Variants in SCD5 observed in about 807,000 individuals in gnomAD.
SCD5 encodes the protein stearoyl-CoA desaturase 5.
A neutral mutation model predicts 30.4 loss-of-function variants in SCD5; 20 were observed. The observed-to-expected ratio is 0.66, with a 90% CI of 0.46 to 0.96. The LOEUF (loss-of-function observed/expected upper bound fraction) is 0.96. Among genes scored for constraint, SCD5 ranks in the 40% least tolerant of loss-of-function variants. SCD5 has a pLI of 0.00. For missense variants in SCD5, 381 were observed against 443.3 expected (o/e 0.86, Z 1.26); for synonymous variants, 173 against 176.4 (o/e 0.98, Z 0.16).
rs183777201 is a variant in SCD5, at chr4:82,788,083, G to A, written c.232+10223C>T. On this transcript the variant is annotated intron_variant, in intron 1 of 4. Coordinates refer to ENST00000319540, the MANE Select transcript of SCD5 (RefSeq NM_001037582.3). ...ACTTTTTAAAAGGCTGGAGAGAGAA[G>A]AGACCCTTCACCCCTTTTGCCATGT... Among the ~76,000 whole-genome samples the A allele has an allele frequency of 7.0e-4, 107 of 152,320 alleles. 1 individual carries two copies. The highest frequency in any genetic ancestry group is 3.9e-3 in the South Asian group (19 of 4,828).
chr4:82,717,704 T>G (rs1363798747), intron 1 of SCD5, among the ~76,000 whole-genome samples: 1 of 151,624 alleles, frequency 6.6e-6, no homozygotes, highest in African/African-American at 2.4e-5. Context: ...TCACTTGAGG[T>G]CAGGAGTTCG....
chr4:82,774,425 GAA>G (rs1264521667), intron 1 of SCD5, among the ~76,000 whole-genome samples: 2 of 152,166 alleles, frequency 1.3e-5, no homozygotes, highest in African/African-American at 4.8e-5. Flanking sequence ...TGTGCATAGA[GAA>G]AAAAGGCTGA....
chr4:82,724,227 G>C (rs1018507677), intron 1 of SCD5, among the ~76,000 whole-genome samples: 1 of 152,152 alleles, frequency 6.6e-6, no homozygotes, highest in Admixed American at 6.5e-5. Flanking sequence ...AACAAATACC[G>C]AATTTCATCT....
At chr4:82,785,133 C>T (rs529072062) in intron 1 of SCD5, among the ~76,000 whole-genome samples, 2 of 152,202 alleles carry the variant, frequency 1.3e-5, no homozygotes, top group Non-Finnish European at 2.9e-5. Flanking sequence ...CCCATCCCCC[C>T]AGCTCCAGAT....
At chr4:82,742,666 A>C (rs1720901334) in intron 1 of SCD5, among the ~76,000 whole-genome samples, 1 of 152,168 alleles carries the variant, frequency 6.6e-6, no homozygotes, top group African/African-American at 2.4e-5. Flanking sequence ...TCATGCCTGT[A>C]ATCCCAGCTA....
At chr4:82,636,925 C>T in intron 3 of SCD5, 102 bp from the exon 4 acceptor site, 2 of 962,122 alleles carry the variant, frequency 2.1e-6, no homozygotes, top group Non-Finnish European at 1.5e-6. Context: ...AGGGAGAGAA[C>T]TGTGCCAGTC....
chr4:82,717,125 C>T (rs945686847), intron 1 of SCD5, among the ~76,000 whole-genome samples: 1 of 151,746 alleles, frequency 6.6e-6, no homozygotes, highest in Non-Finnish European at 1.5e-5. Flanking sequence ...TGAAGGATCA[C>T]TGTATAGGGT....
At chr4:82,796,088 G>A (rs1000419273) in intron 1 of SCD5, among the ~76,000 whole-genome samples, 5 of 151,816 alleles carry the variant, frequency 3.3e-5, no homozygotes, top group African/African-American at 1.2e-4. Context: ...GGCTAACACG[G>A]TGAAACCCCA....
chr4:82,704,991 G>A (rs570290749), intron 2 of SCD5, among the ~76,000 whole-genome samples: 1 of 152,366 alleles, frequency 6.6e-6, no homozygotes, highest in African/African-American at 2.4e-5. Context: ...CCTGGTTAGG[G>A]CTGGACAAAT....
rs564064087 is a variant in SCD5, at chr4:82,729,320, G to A, written c.233-23907C>T. 2.0e-5 allele frequency among the ~76,000 whole-genome samples: 3 copies of A among 152,304 alleles called. No individual in the cohort carries two copies. The South Asian group carries it at 6.2e-4, about 32-fold the overall frequency. On this transcript the variant is annotated intron_variant, in intron 1 of 4. Transcript: ENST00000319540. ...GGGGCTGTACCTATGGTGGTGAGGA[G>A]GGCCAAGGACTTCTGGAGGAGGAGG...
At chr4:82,684,942 G>C (rs1728668982) in intron 2 of SCD5, among the ~76,000 whole-genome samples, 2 of 152,166 alleles carry the variant, frequency 1.3e-5, no homozygotes, top group African/African-American at 4.8e-5. Context: ...TTCTGGTAGG[G>C]ACATGATGTT....
intron 3 of SCD5, among the ~76,000 whole-genome samples, chr4:82,643,529 G>A (rs982443106): frequency 3.3e-5 from 5 of 152,150 alleles, no homozygotes; most frequent in South Asian, 2.1e-4. Context: ...AATTCATAGC[G>A]ACAGAAAAGA....
intron 3 of SCD5, among the ~76,000 whole-genome samples, chr4:82,679,370 A>G (rs903635001): frequency 6.6e-6 from 1 of 152,072 alleles, no homozygotes; most frequent in South Asian, 2.1e-4. Context: ...CTGAATTGAT[A>G]CCGGGTGTTT....
In SCD5 at chr4:82,633,136, T is replaced by C. The variant is rs141483789; in HGVS notation, c.803-1619A>G. Among the ~76,000 whole-genome samples, 529 of 152,260 alleles carry C rather than the reference T, an allele frequency of 3.5e-3. 8 individuals are homozygous for C. Among genetic ancestry groups the C allele is most frequent in the African/African-American group, 0.012 (504 of 41,556 alleles). ...GAAAATTTGTACCCTTTGACCAATA[T>C]CTCTCAACAACCCCCCTGCCCCAGC... On this transcript the variant is annotated intron_variant, in intron 4 of 4. Transcript: ENST00000319540.
chr4:82,655,983 C>A (rs1247381889), intron 3 of SCD5, among the ~76,000 whole-genome samples: 1 of 151,794 alleles, frequency 6.6e-6, no homozygotes, highest in South Asian at 2.1e-4. Context: ...CAGTGGGTGG[C>A]AAATGAAAAC....
chr4:82,646,706 T>C (rs1238435649), intron 3 of SCD5, among the ~76,000 whole-genome samples: 2 of 152,152 alleles, frequency 1.3e-5, no homozygotes, highest in Non-Finnish European at 2.9e-5. Flanking sequence ...ATGGCCTGCA[T>C]CTTCTGGATG....
intron 1 of SCD5, among the ~76,000 whole-genome samples, chr4:82,746,325 A>T (rs1175250773): frequency 6.6e-6 from 1 of 152,258 alleles, no homozygotes; most frequent in East Asian, 1.9e-4. Flanking sequence ...TAGGCTGAGG[A>T]GTGGCTTTCA....
chr4:82,693,082 T>C (rs1236299560), intron 2 of SCD5, among the ~76,000 whole-genome samples: 1 of 152,152 alleles, frequency 6.6e-6, no homozygotes, highest in East Asian at 1.9e-4. Context: ...GGTGGCCTCT[T>C]CTAACCAGTG....
In SCD5 at chr4:82,712,265, TATATATATATATATATATA is replaced by T. The variant is rs1560540727; in HGVS notation, c.233-6871_233-6853del. On this transcript the variant is annotated intron_variant, in intron 1 of 4. Coordinates refer to ENST00000319540, the MANE Select transcript of SCD5 (RefSeq NM_001037582.3). Reference sequence around the variant, plus strand: ...TAACATATATATATATATATATATATATATATATATATATATATATATATATATATATTTTATTTTTATT... The same window carrying T: ...TAACATATATATATATATATATATATTATATATATATATTTTATTTTTATT... Among the ~76,000 whole-genome samples the T allele has an allele frequency of 1.6e-4, 7 of 44,670 alleles. No individual in the cohort carries two copies. The East Asian group carries it at 4.2e-3, about 27-fold the overall frequency. The allele number at this position is 44,670 out of a possible 152,430, so 29.3% of individuals were successfully genotyped here.
Sources: gnomAD v4.1 joint callset for allele counts (sites outside exome capture counted in the v4.1 genomes callset) on GRCh38, gnomAD v4.1.1 for gene constraint, MANE v1.5 for transcripts, NCBI Gene and HGNC (gene_info 2026-07-23, HGNC 2026-07-21) for gene names.